MARCHF1: variants seen among roughly 807,000 people sequenced by gnomAD.
MARCHF1 encodes E3 ubiquitin-protein ligase MARCHF1.
MARCHF1 carries 40 observed loss-of-function variants against 54.2 expected under a neutral mutation model. The ratio of observed to expected loss-of-function variants is 0.74; its 90% CI spans 0.57 to 0.96. MARCHF1 has a LOEUF of 0.96. MARCHF1 is among the 40% of genes least tolerant of loss of function. The pLI is 0.00. For missense variants in MARCHF1, 586 were observed against 656.5 expected, an observed-to-expected ratio of 0.89 and a Z score of 1.17; for synonymous variants, 236 against 236.3, an observed-to-expected ratio of 1.00 and a Z score of 0.01.
intron 3 of MARCHF1, among the ~76,000 whole-genome samples, chr4:163,893,064 ATTTT>A (rs781043843): frequency 1.4e-5 from 2 of 145,362 alleles, no homozygotes. Flanking sequence ...CCCCAGAAGG[ATTTT>A]TTTTTTTTTT....
chr4:164,242,264 C>T (rs1431728902), intron 1 of MARCHF1, among the ~76,000 whole-genome samples: 2 of 143,834 alleles, frequency 1.4e-5, no homozygotes, highest in Non-Finnish European at 3.0e-5. Flanking sequence ...GTTCTCCCAG[C>T]ACGCAGCTGG....
intron 4 of MARCHF1, among the ~76,000 whole-genome samples, chr4:163,774,444 T>C (rs184476568): frequency 6.9e-4 from 103 of 150,258 alleles, no homozygotes; most frequent in Admixed American, 8.6e-4. Context: ...TAGGGAAAGA[T>C]AAAAGCTGAT....
intron 4 of MARCHF1, among the ~76,000 whole-genome samples, chr4:163,786,348 C>A (rs1164362614): frequency 6.6e-6 from 1 of 151,886 alleles, no homozygotes; most frequent in African/African-American, 2.4e-5. Flanking sequence ...CGATTTGAGG[C>A]ATAGAGGCAC....
chr4:164,094,018 C>T (rs1328096050), intron 2 of MARCHF1, among the ~76,000 whole-genome samples: 2 of 152,058 alleles, frequency 1.3e-5, no homozygotes, highest in Non-Finnish European at 2.9e-5. Context: ...CAAATTTCAC[C>T]TCTCTAGGTT....
intron 8 of MARCHF1, 58 bp downstream of exon 8, chr4:163,585,691 T>C (rs1740387283): frequency 1.5e-6 from 2 of 1,345,770 alleles, no homozygotes; most frequent in African/African-American, 2.9e-5. Flanking sequence ...AATAGATTTC[T>C]AAAACAAGTC....
chr4:163,601,525 G>A (rs1236495713), intron 7 of MARCHF1, among the ~76,000 whole-genome samples: 2 of 151,826 alleles, frequency 1.3e-5, no homozygotes. Flanking sequence ...TTAAGAAGTA[G>A]ATAAACTCTA....
At chr4:164,357,599 A>G (rs541120857) in intron 1 of MARCHF1, among the ~76,000 whole-genome samples, 2 of 152,318 alleles carry the variant, frequency 1.3e-5, no homozygotes, top group Admixed American at 1.3e-4. Flanking sequence ...TAAGATAATA[A>G]GAGATGCTAA....
chr4:164,245,365 T>G (rs541811307), intron 1 of MARCHF1, among the ~76,000 whole-genome samples: 1 of 152,204 alleles, frequency 6.6e-6, no homozygotes. Flanking sequence ...ATTATCTCAA[T>G]AGATGCAGAA....
At chr4:163,549,548 G>A (rs893734239) in intron 8 of MARCHF1, among the ~76,000 whole-genome samples, 2 of 152,114 alleles carry the variant, frequency 1.3e-5, no homozygotes, top group African/African-American at 2.4e-5. Context: ...CCTTGAAGAT[G>A]GGGGATGAGC....
intron 1 of MARCHF1, among the ~76,000 whole-genome samples, chr4:164,349,126 G>A (rs369471398): frequency 1.3e-5 from 2 of 152,106 alleles, no homozygotes; most frequent in Non-Finnish European, 2.9e-5. Flanking sequence ...CAGATCTGTG[G>A]AATCCATTCT....
intron 1 of MARCHF1, among the ~76,000 whole-genome samples, chr4:164,365,937 G>T (rs1730868846): frequency 6.6e-6 from 1 of 151,812 alleles, no homozygotes; most frequent in Admixed American, 6.6e-5. Flanking sequence ...TCATCATGAT[G>T]CCTTCCCAGG....
At chr4:163,998,925 A>G (rs1447376004) in intron 2 of MARCHF1, among the ~76,000 whole-genome samples, 2 of 151,740 alleles carry the variant, frequency 1.3e-5, no homozygotes, top group African/African-American at 4.8e-5. Context: ...AGAAGTGCAG[A>G]TATCTCTTAG....
chr4:164,050,790 G>A (rs946354746), intron 2 of MARCHF1, among the ~76,000 whole-genome samples: 9 of 152,068 alleles, frequency 5.9e-5, no homozygotes, highest in East Asian at 3.9e-4. Flanking sequence ...AAAATTAGAC[G>A]GGCGTGGTGG....
chr4:164,304,837 G>A (rs912634206), intron 1 of MARCHF1, among the ~76,000 whole-genome samples: 4 of 152,130 alleles, frequency 2.6e-5, no homozygotes, highest in African/African-American at 7.2e-5. Context: ...GTCCACAGGA[G>A]GTTTTACGTT....
rs1415394675 is a variant in MARCHF1 at position 163,612,357 on chromosome 4, C to T, written c.924G>A (p.Met308Ile). Residue 308 changes from methionine to isoleucine, a missense_variant, in exon 7 of 10, where the codon ATG becomes ATA. By Grantham distance (10) the Met-to-Ile change is conservative. Around this residue, in one of 3 missense-constraint regions of MARCHF1, gnomAD observed 387 missense variants for 394.6 expected, o/e 0.98. Transcript: ENST00000514618. ...TATTCACCTGGAGCCCTGCATCATT[C>T]ATGTCCTTGCTGCCTTCTGGAACTC... ...ILGVPEGSKD[M>I]NDAGLQVNNP... 1.3e-6 allele frequency: 2 copies of T among 1,535,400 alleles called. No homozygotes were observed. Among genetic ancestry groups the T allele is most frequent in the Non-Finnish European group, 1.7e-6 (2 of 1,146,446 alleles).
intron 2 of MARCHF1, among the ~76,000 whole-genome samples, chr4:164,013,933 G>GGCAGGTGGATCAGGAT (rs1305394079): frequency 6.6e-6 from 1 of 152,068 alleles, no homozygotes; most frequent in Non-Finnish European, 1.5e-5. Context: ...GGGAGGCCAA[G>GGCAGGTGGATCAGGAT]GCAGGTGGAT....
chr4:163,879,279 G>A (rs138611965), intron 3 of MARCHF1, among the ~76,000 whole-genome samples: 1 of 152,094 alleles, frequency 6.6e-6, no homozygotes, highest in Non-Finnish European at 1.5e-5. Flanking sequence ...TGGGTTTGAG[G>A]GTGCTCAGAA....
intron 8 of MARCHF1, among the ~76,000 whole-genome samples, chr4:163,581,848 C>A (rs971717594): frequency 6.6e-6 from 1 of 152,114 alleles, no homozygotes; most frequent in African/African-American, 2.4e-5. Context: ...TATGGCTCAA[C>A]ATAAGCATTA....
intron 1 of MARCHF1, among the ~76,000 whole-genome samples, chr4:164,134,967 G>A (rs1383710192): frequency 6.6e-6 from 1 of 152,152 alleles, no homozygotes; most frequent in Non-Finnish European, 1.5e-5. Context: ...AGGATAATGG[G>A]TATCCATGAT....
Sources: allele counts gnomAD v4.1 joint callset (sites outside exome capture counted in the v4.1 genomes callset), GRCh38; gene constraint gnomAD v4.1.1; regional missense constraint gnomAD v4.1.1; transcripts MANE v1.5; gene names NCBI Gene and HGNC (gene_info 2026-07-23, HGNC 2026-07-21).